The following CRACD variants were observed in gnomAD, a reference collection of about 807,000 sequenced individuals.
CRACD encodes capping protein-inhibiting regulator of actin dynamics.
Under a neutral mutation model 106.8 loss-of-function variants are expected in CRACD, and 56 were observed. The observed-to-expected ratio is 0.52, with a 90% CI of 0.42 to 0.66. CRACD has a LOEUF of 0.66. Ranked by LOEUF, CRACD falls within the 30% of genes least tolerant of loss-of-function variation. The pLI, the probability that CRACD is intolerant of heterozygous loss-of-function variation, is 0.00. For missense variants in CRACD, 1,730 were observed against 1,623.2 expected (o/e 1.07, Z -1.13); for synonymous variants, 754 against 670.8 (o/e 1.12, Z -1.92).
At chr4:56,303,915 C>T (rs936486411) in intron 4 of CRACD, among the ~76,000 whole-genome samples, 1 of 152,218 alleles carries the variant, frequency 6.6e-6, no homozygotes, top group Non-Finnish European at 1.5e-5. Flanking sequence ...AGTTTCTCTT[C>T]CTAAGTTCCC....
intron 6 of CRACD, among the ~76,000 whole-genome samples, chr4:56,312,126 G>A (rs1745197001): frequency 6.6e-6 from 1 of 152,094 alleles, no homozygotes; most frequent in South Asian, 2.1e-4. Context: ...TCTCAGTGCA[G>A]TCAGTACCCT....
At chr4:56,268,613 T>C (rs1055750807) in intron 2 of CRACD, among the ~76,000 whole-genome samples, 1 of 152,238 alleles carries the variant, frequency 6.6e-6, no homozygotes, top group African/African-American at 2.4e-5. Flanking sequence ...ACTGTGATGC[T>C]GCCAAACTAG....
At chr4:56,114,498 A>G (rs1734217750) in intron 1 of CRACD, among the ~76,000 whole-genome samples, 1 of 152,082 alleles carries the variant, frequency 6.6e-6, no homozygotes, top group African/African-American at 2.4e-5. Flanking sequence ...TTCAACATCT[A>G]TAGGAAGACA....
chr4:56,244,908 T>C (rs1193224936), intron 2 of CRACD, among the ~76,000 whole-genome samples: 1 of 152,246 alleles, frequency 6.6e-6, no homozygotes, highest in Non-Finnish European at 1.5e-5. Flanking sequence ...GCCCTTCCAG[T>C]CTAATTGATA....
At chr4:56,254,310 G>T (rs1196988562) in intron 2 of CRACD, among the ~76,000 whole-genome samples, 1 of 151,982 alleles carries the variant, frequency 6.6e-6, no homozygotes, top group Non-Finnish European at 1.5e-5. Flanking sequence ...AGGAAGAATA[G>T]CCAGACAGGA....
chr4:56,268,585 A>G (rs1742164498), intron 2 of CRACD, among the ~76,000 whole-genome samples: 1 of 152,236 alleles, frequency 6.6e-6, no homozygotes, highest in African/African-American at 2.4e-5. Context: ...TATAATATAA[A>G]TAGCCATTTG....
chr4:56,197,382 G>A (rs1737660561), intron 2 of CRACD, among the ~76,000 whole-genome samples: 1 of 151,992 alleles, frequency 6.6e-6, no homozygotes, highest in Admixed American at 6.5e-5. Flanking sequence ...AAAAATAGTA[G>A]GTTGAAAATA....
intron 1 of CRACD, among the ~76,000 whole-genome samples, chr4:56,168,536 T>C (rs1362770785): frequency 6.6e-6 from 1 of 151,812 alleles, no homozygotes; most frequent in Non-Finnish European, 1.5e-5. Flanking sequence ...AGGATTATGC[T>C]GGTCTCATAA....
chr4:56,182,259 A>G (rs1736858732), intron 2 of CRACD, among the ~76,000 whole-genome samples: 1 of 152,024 alleles, frequency 6.6e-6, no homozygotes, highest in South Asian at 2.1e-4. Context: ...GATCCCAGCT[A>G]CCCAAAAGGC....
chr4:56,320,557 T>A (rs1244053213), intron 8 of CRACD, among the ~76,000 whole-genome samples: 3 of 152,228 alleles, frequency 2.0e-5, no homozygotes, highest in Non-Finnish European at 4.4e-5. Context: ...TCTCCTTCGG[T>A]GCTCACAGCA....
rs540696484 is a variant in CRACD, at chr4:56,062,095, T to C, written c.-336+12796T>C. Among the ~76,000 whole-genome samples, 11 of 152,358 alleles carry C rather than the reference T, an allele frequency of 7.2e-5. No individual in the cohort carries two copies. In the South Asian group the frequency reaches 2.3e-3, roughly 32 times the overall value. On this transcript the variant is annotated intron_variant, in intron 1 of 10. Transcript: ENST00000682029. Reference sequence around the variant, plus strand: ...TCCTACTTCTTTTTTCTCAGCACATTATTCATCCCCAATTCTGAGGCTTGT... The same window carrying C: ...TCCTACTTCTTTTTTCTCAGCACATCATTCATCCCCAATTCTGAGGCTTGT...
chr4:56,307,368 T>A (rs1199844520), intron 4 of CRACD, among the ~76,000 whole-genome samples, 167 bp from the exon 5 acceptor site: 1 of 152,092 alleles, frequency 6.6e-6, no homozygotes, highest in African/African-American at 2.4e-5. Context: ...GAAAACAAAT[T>A]AACTTATTAC....
At chr4:56,265,180 C>A (rs1298256655) in intron 2 of CRACD, among the ~76,000 whole-genome samples, 1 of 152,210 alleles carries the variant, frequency 6.6e-6, no homozygotes, top group African/African-American at 2.4e-5. Flanking sequence ...TGTGTCTAGT[C>A]ATTTTTCTTA....
At chr4:56,300,853 C>A (rs1305084348) in intron 4 of CRACD, among the ~76,000 whole-genome samples, 1 of 152,140 alleles carries the variant, frequency 6.6e-6, no homozygotes, top group Non-Finnish European at 1.5e-5. Flanking sequence ...AAAAATATTT[C>A]TGTTAACAGT....
chr4:56,228,159 G>A (rs772249550), intron 2 of CRACD, among the ~76,000 whole-genome samples: 4 of 152,192 alleles, frequency 2.6e-5, no homozygotes, highest in East Asian at 1.9e-4. Context: ...TTCAGGGACC[G>A]TGTCCTCATA....
At chr4:56,326,597 C>T (rs1170758215) in intron 10 of CRACD, among the ~76,000 whole-genome samples, 2 of 152,180 alleles carry the variant, frequency 1.3e-5, no homozygotes, top group Non-Finnish European at 2.9e-5. Flanking sequence ...GACAAGCACC[C>T]TCTCACATTA....
chr4:56,248,849 G>C (rs1395724629), intron 2 of CRACD, among the ~76,000 whole-genome samples: 2 of 146,396 alleles, frequency 1.4e-5, no homozygotes, highest in African/African-American at 5.1e-5. Flanking sequence ...TCTTGTGATA[G>C]TTTACTGAGA....
At chr4:56,174,302 G>A (rs1327284559) in intron 1 of CRACD, among the ~76,000 whole-genome samples, 1 of 152,144 alleles carries the variant, frequency 6.6e-6, no homozygotes, top group Non-Finnish European at 1.5e-5. Flanking sequence ...TGTGTTGGGA[G>A]CATTTCAAAT....
intron 3 of CRACD, among the ~76,000 whole-genome samples, chr4:56,297,076 T>A (rs1744096889): frequency 6.6e-6 from 1 of 152,100 alleles, no homozygotes; most frequent in Non-Finnish European, 1.5e-5. Flanking sequence ...CCAGCCATCA[T>A]GCCCGGCTAA....
Sources: allele counts gnomAD v4.1 joint callset (sites outside exome capture counted in the v4.1 genomes callset), GRCh38; gene constraint gnomAD v4.1.1; transcripts MANE v1.5; gene names NCBI Gene and HGNC (gene_info 2026-07-23, HGNC 2026-07-21).